Variants in NIBAN2 observed in about 807,000 individuals in gnomAD.
The protein encoded by NIBAN2 is niban apoptosis regulator 2, also known as protein Niban 2.
A neutral mutation model predicts 81.8 loss-of-function variants in NIBAN2; 36 were observed. The observed-to-expected ratio is 0.44, with a 90% CI of 0.34 to 0.58. NIBAN2 has a LOEUF of 0.58. Ranked by LOEUF, NIBAN2 falls within the 20% of genes least tolerant of loss-of-function variation. NIBAN2 has a pLI of 0.02. For missense variants in NIBAN2, 897 were observed against 1,014.1 expected, an observed-to-expected ratio of 0.88 and a Z score of 1.57; for synonymous variants, 445 against 441.6, an observed-to-expected ratio of 1.01 and a Z score of -0.10.
intron 8 of NIBAN2, among the ~76,000 whole-genome samples, chr9:127,511,894 A>T (rs1564295336): frequency 6.6e-6 from 1 of 152,210 alleles, no homozygotes; most frequent in Non-Finnish European, 1.5e-5. Context: ...CTACAATGAG[A>T]TGCCACGTCA....
upstream of NIBAN2, among the ~76,000 whole-genome samples, chr9:127,569,264 C>T (rs1837916607): frequency 6.8e-6 from 1 of 146,850 alleles, no homozygotes; most frequent in Non-Finnish European, 1.5e-5. Flanking sequence ...GGGCCCGCCC[C>T]GTATGCCCCG....
At chr9:127,547,559 C>T (rs1384513665) in intron 1 of NIBAN2, among the ~76,000 whole-genome samples, 2 of 151,054 alleles carry the variant, frequency 1.3e-5, no homozygotes, top group Admixed American at 6.6e-5. Flanking sequence ...ACAGCACCAC[C>T]GGGCACGGTG....
In NIBAN2 at chr9:127,563,417, G is replaced by A. The variant is rs1361583533; in HGVS notation, c.55+5403C>T. ...CAGCCTGGTCTCTCTGCAAAGTCCA[G>A]GGGAGCAAAGAGGAAGCCACACAGC... On this transcript the variant is annotated intron_variant, in intron 1 of 13. Transcript: ENST00000373312. The surrounding 1 kb of genome is among the most constrained non-coding windows in gnomAD (Gnocchi z 4.1). 1.3e-5 allele frequency among the ~76,000 whole-genome samples: 2 copies of A among 152,260 alleles called. No homozygotes were observed. The highest frequency in any genetic ancestry group is 1.9e-4 in the East Asian group (1 of 5,202).
chr9:127,576,316 A>C (rs3901132), intron 1 of NIBAN2, among the ~76,000 whole-genome samples: 6,401 of 152,030 alleles, frequency 0.042, 212 homozygotes, highest in African/African-American at 0.085. Flanking sequence ...GGCCTCTGCT[A>C]CTGTGCAGAG....
rs560805267 is a variant in NIBAN2 at position 127,574,305 on chromosome 9, T to C, written c.16+4617A>G. Among the ~76,000 whole-genome samples, 3 of 152,294 alleles carry C rather than the reference T, an allele frequency of 2.0e-5. No individual in the cohort carries two copies. The East Asian group carries it at 5.8e-4, about 29-fold the overall frequency. On this transcript the variant is annotated intron_variant, in intron 1 of 13. Transcript: ENST00000373314. ...AATGCCACCTACAGGTCCTGACTCATCAGGCCTTTCTCTGGAAGTGGCTTC... is the reference window on the plus strand; with the variant it reads ...AATGCCACCTACAGGTCCTGACTCACCAGGCCTTTCTCTGGAAGTGGCTTC...
intron 1 of NIBAN2, among the ~76,000 whole-genome samples, chr9:127,558,878 C>T (rs1327298517): frequency 1.3e-5 from 2 of 152,162 alleles, no homozygotes; most frequent in Non-Finnish European, 2.9e-5. Flanking sequence ...GCACCCTGCA[C>T]AGGCCAGGAA....
chr9:127,515,316 C>T (rs1056892896), intron 8 of NIBAN2, among the ~76,000 whole-genome samples: 1 of 151,594 alleles, frequency 6.6e-6, no homozygotes, highest in Non-Finnish European at 1.5e-5. Context: ...GTCAGGAGAT[C>T]GAGACCATCC....
intron 8 of NIBAN2, 25 bp downstream of exon 8, chr9:127,516,832 G>C (rs371748500): frequency 6.3e-7 from 1 of 1,599,640 alleles, no homozygotes; most frequent in African/African-American, 1.3e-5. Context: ...TGGAGGGCCC[G>C]TCGAGCACGG....
intron 1 of NIBAN2, among the ~76,000 whole-genome samples, chr9:127,576,318 T>C (rs1416509084): frequency 1.3e-5 from 2 of 152,084 alleles, no homozygotes; most frequent in Admixed American, 6.6e-5. Context: ...CCTCTGCTAC[T>C]GTGCAGAGCT....
intron 1 of NIBAN2, among the ~76,000 whole-genome samples, chr9:127,543,342 C>T (rs1011881388): frequency 6.6e-6 from 1 of 152,210 alleles, no homozygotes; most frequent in African/African-American, 2.4e-5. Flanking sequence ...GGAATCACCC[C>T]CGATCAAGAC....
At position 127,507,151 on chromosome 9, in the gene NIBAN2, C is replaced by T. The variant is rs774682151; in HGVS notation, c.1935G>A (p.Ala645=). ...FEASPESPPP[A]SPDGVTEIRG... ...GGATCTCAGTGACACCGTCCGGGGA[C>T]GCAGGTGGTGGTGACTCAGGGCTAG... The change falls in exon 14 of 14, where the codon GCG becomes GCA. Residue 645 remains alanine (A), a synonymous_variant. Transcript: ENST00000373312. The surrounding 1 kb of genome is among the most constrained non-coding windows in gnomAD (Gnocchi z 6.8). 1.7e-5 allele frequency: 28 copies of T among 1,608,090 alleles called. No individual in the cohort carries two copies. The highest frequency in any genetic ancestry group is 1.7e-4 in the Middle Eastern group (1 of 6,018).
intron 1 of NIBAN2, among the ~76,000 whole-genome samples, chr9:127,566,542 C>A (rs1837862580): frequency 6.6e-6 from 1 of 152,160 alleles, no homozygotes; most frequent in Non-Finnish European, 1.5e-5. Context: ...TGACCTTTGC[C>A]AGGACTTGCA....
intron 1 of NIBAN2, among the ~76,000 whole-genome samples, chr9:127,538,944 C>CAAAAAAAAA (rs59404269): frequency 8.7e-6 from 1 of 114,534 alleles, no homozygotes. Flanking sequence ...GACTCCATCT[C>CAAAAAAAAA]AAAAAAAAAA....
At chr9:127,578,487 C>A (rs535795441) in intron 1 of NIBAN2, among the ~76,000 whole-genome samples, 13 of 151,486 alleles carry the variant, frequency 8.6e-5, no homozygotes, top group Non-Finnish European at 1.5e-4. Context: ...CATCGTGAAA[C>A]CGTCTCTACT....
chr9:127,536,260 G>T lies in NIBAN2; in HGVS notation c.56-4482C>A, dbSNP rs975828751. Among the ~76,000 whole-genome samples, 10 of 152,204 alleles carry T rather than the reference G, an allele frequency of 6.6e-5. No individual in the cohort carries two copies. The highest frequency in any genetic ancestry group is 2.0e-4 in the Admixed American group (3 of 15,286). On this transcript the variant is annotated intron_variant, in intron 1 of 13. Transcript: ENST00000373312. This position sits in a 1 kb window ranked among gnomAD's most constrained non-coding sequence, Gnocchi z 4.0. The stretch of plus-strand genomic sequence containing the variant: ...GCCAGAGGGACCCAAAAGGCCAGCA[G>T]CATTGGGAGGGGGCCAGCCTGGACA...
chr9:127,527,336 C>T lies in NIBAN2; in HGVS notation c.187-14G>A, dbSNP rs2243558. 21 of 1,609,410 alleles carry T rather than the reference C, an allele frequency of 1.3e-5. No individual in the cohort carries two copies. The highest frequency in any genetic ancestry group is 1.7e-4 in the Middle Eastern group (1 of 6,036). ...GTCCAGTGGCACCTGTGGGCAGGAG[C>T]GGGTGGGGAGTGAGGCCCAGGTCTG... On this transcript the variant is annotated splice_polypyrimidine_tract_variant and intron_variant, in intron 2 of 13. Coordinates refer to ENST00000373312, the MANE Select transcript of NIBAN2 (RefSeq NM_022833.4).
At position 127,563,463 on chromosome 9, in the gene NIBAN2, G is replaced by A. The variant is rs1352845947; in HGVS notation, c.55+5357C>T. Among the ~76,000 whole-genome samples the A allele has an allele frequency of 1.3e-5, 2 of 152,206 alleles. No individual in the cohort carries two copies. Among genetic ancestry groups the A allele is most frequent in the Non-Finnish European group, 2.9e-5 (2 of 68,046 alleles). ...ACAGCAGGGTGAGGGGTGGCAGAAG[G>A]TGGAACCCCTCCATCCCTTCACTCT... On this transcript the variant is annotated intron_variant, in intron 1 of 13. Coordinates refer to ENST00000373312, the MANE Select transcript of NIBAN2 (RefSeq NM_022833.4). This position sits in a 1 kb window ranked among gnomAD's most constrained non-coding sequence, Gnocchi z 4.1.
At chr9:127,530,035 T>C (rs1837148635) in intron 2 of NIBAN2, among the ~76,000 whole-genome samples, 1 of 152,182 alleles carries the variant, frequency 6.6e-6, no homozygotes, top group Non-Finnish European at 1.5e-5. Flanking sequence ...TGTCTTGGAT[T>C]ATAGGGACTT....
At chr9:127,514,655 T>C (rs1836792334) in intron 8 of NIBAN2, among the ~76,000 whole-genome samples, 1 of 152,244 alleles carries the variant, frequency 6.6e-6, no homozygotes, top group Non-Finnish European at 1.5e-5. Context: ...CTCTCTGGAA[T>C]AGTGTGGCTG....
Sources: allele counts gnomAD v4.1 joint callset (sites outside exome capture counted in the v4.1 genomes callset), GRCh38; gene constraint gnomAD v4.1.1; non-coding constraint Gnocchi (gnomAD v3.1); transcripts MANE v1.5; gene names NCBI Gene and HGNC (gene_info 2026-07-23, HGNC 2026-07-21).